The following CFAP251 variants were observed in gnomAD, a reference collection of about 807,000 sequenced individuals.
CFAP251 encodes the protein cilia and flagella associated protein 251.
CFAP251 carries 93 observed loss-of-function variants against 126.7 expected under a neutral mutation model. That is an observed-to-expected ratio of 0.73 (90% confidence interval 0.62 to 0.87). The LOEUF (loss-of-function observed/expected upper bound fraction) is 0.87, where lower values mean the gene tolerates loss of function less well. CFAP251 is among the 40% of genes least tolerant of loss of function. The pLI is 0.00. For synonymous variants in CFAP251, 503 were observed against 506.9 expected (o/e 0.99, Z 0.10); for missense variants, 1,287 against 1,389.2 (o/e 0.93, Z 1.17).
intron 2 of CFAP251, among the ~76,000 whole-genome samples, chr12:121,922,045 T>C (rs746686307): frequency 2.0e-5 from 3 of 151,898 alleles, no homozygotes; most frequent in Non-Finnish European, 4.4e-5. Context: ...TCTGCCCACC[T>C]TGGCCTCCCA....
intron 14 of CFAP251, among the ~76,000 whole-genome samples, chr12:121,961,146 G>A (rs1377651911): frequency 6.6e-6 from 1 of 152,180 alleles, no homozygotes; most frequent in Non-Finnish European, 1.5e-5. Context: ...GAGGTTGTGA[G>A]ATAAGAGGAA....
chr12:121,971,427 A>T, intron 17 of CFAP251: 1 of 656,094 alleles, frequency 1.5e-6, no homozygotes, highest in Admixed American at 2.1e-5. Flanking sequence ...GACTCTTCCT[A>T]AGAAAGGTGT....
intron 11 of CFAP251, among the ~76,000 whole-genome samples, 166 bp from the exon 12 acceptor site, chr12:121,958,106 A>G (rs1881791959): frequency 6.6e-6 from 1 of 152,214 alleles, no homozygotes; most frequent in Non-Finnish European, 1.5e-5. Context: ...TTCACTTGCA[A>G]ATGGAGGCTG....
chr12:121,934,162 C>A, intron 4 of CFAP251, 85 bp from the exon 5 acceptor site: 2 of 1,018,746 alleles, frequency 2.0e-6, no homozygotes, highest in Non-Finnish European at 2.9e-6. Context: ...TCAGATCTTT[C>A]TGTGGGTCCC....
chr12:121,929,319 C>CAAAAAAA (rs907807088), intron 3 of CFAP251, among the ~76,000 whole-genome samples: 1 of 68,940 alleles, frequency 1.5e-5, no homozygotes, highest in Non-Finnish European at 2.9e-5. Context: ...GACTCCATCT[C>CAAAAAAA]AAAAAAAAAA....
intron 4 of CFAP251, among the ~76,000 whole-genome samples, chr12:121,933,961 A>T (rs1378613525): frequency 6.6e-6 from 1 of 152,148 alleles, no homozygotes; most frequent in African/African-American, 2.4e-5. Flanking sequence ...GAGGACCCAG[A>T]TGCTTATCCT....
intron 19 of CFAP251, chr12:121,999,317 T>A (rs1883096046): frequency 1.3e-5 from 2 of 154,540 alleles, no homozygotes; most frequent in African/African-American, 4.8e-5. Flanking sequence ...CCATCTAAAA[T>A]AATTGGAAAG....
Position 121,974,275 on chromosome 12 carries a change from C to T in CFAP251, c.2772-969C>T, listed in dbSNP as rs1882403154. On this transcript the variant is annotated intron_variant, in intron 17 of 21. Coordinates refer to ENST00000288912, the MANE Select transcript of CFAP251 (RefSeq NM_144668.6). The surrounding 1 kb of genome is among the most constrained non-coding windows in gnomAD (Gnocchi z 4.6). The stretch of plus-strand genomic sequence containing the variant: ...TGAGTCCTCCCCAGCCATGTGAAAC[C>T]GTAAGTCCAATAAACCTCTTTCTTT... Among the ~76,000 whole-genome samples, 1 of 152,140 alleles carries T rather than the reference C, an allele frequency of 6.6e-6. No homozygotes were observed. Among genetic ancestry groups the T allele is most frequent in the Non-Finnish European group, 1.5e-5 (1 of 68,016 alleles).
At chr12:121,928,704 A>T (rs946515861) in intron 3 of CFAP251, among the ~76,000 whole-genome samples, 9,978 of 60,178 alleles carry the variant, frequency 0.17, 1,525 homozygotes, top group African/African-American at 0.36. Context: ...ATATATATAT[A>T]TTTTTTTTTT....
intron 1 of CFAP251, among the ~76,000 whole-genome samples, chr12:121,920,089 C>T (rs946414211): frequency 6.7e-6 from 1 of 150,132 alleles, no homozygotes; most frequent in African/African-American, 2.5e-5. Context: ...GAGGCTGAGG[C>T]AGGAGAATAG....
At chr12:121,940,850 G>A (rs1325651825) in intron 5 of CFAP251, among the ~76,000 whole-genome samples, 2 of 152,118 alleles carry the variant, frequency 1.3e-5, no homozygotes, top group African/African-American at 2.4e-5. Flanking sequence ...ATTGCTTACA[G>A]TTTGGAGTCT....
rs758464180 is a variant in CFAP251 at position 121,968,159 on chromosome 12, A to G, written c.2761A>G (p.Ile921Val). ...GHDRSVVQWKITLSVLEAAVS... is the reference protein window; with the variant it reads ...GHDRSVVQWKVTLSVLEAAVS... Reference sequence around the variant, plus strand: ...CGATCGCTCGGTGGTGCAGTGGAAAATCACCTTAAGGTACACGATGGGGCG... The same window carrying G: ...CGATCGCTCGGTGGTGCAGTGGAAAGTCACCTTAAGGTACACGATGGGGCG... The change falls in exon 17 of 22, where the codon ATC becomes GTC. Residue 921 changes from isoleucine to valine, a missense_variant. Coordinates refer to ENST00000288912, the MANE Select transcript of CFAP251 (RefSeq NM_144668.6). The G allele has an allele frequency of 5.0e-6, 8 of 1,606,058 alleles. No homozygotes were observed. The highest frequency in any genetic ancestry group is 6.8e-6 in the Non-Finnish European group (8 of 1,174,120).
chr12:121,993,744 T>G (rs1882940810), intron 19 of CFAP251, among the ~76,000 whole-genome samples: 1 of 147,808 alleles, frequency 6.8e-6, no homozygotes, highest in Non-Finnish European at 1.5e-5. Flanking sequence ...CCACCCCGTC[T>G]GAGAAGTGAG....
chr12:121,936,174 G>A (rs1217855056), intron 5 of CFAP251, among the ~76,000 whole-genome samples: 1 of 152,216 alleles, frequency 6.6e-6, no homozygotes. Context: ...TTTGACCTGG[G>A]CTGGGTGCAG....
chr12:122,000,819 C>G (rs1349678246), intron 20 of CFAP251, among the ~76,000 whole-genome samples: 1 of 151,960 alleles, frequency 6.6e-6, no homozygotes, highest in Admixed American at 6.6e-5. Flanking sequence ...CATGTATGTT[C>G]CTTGCCTGGA....
At chr12:121,951,318 G>T in intron 8 of CFAP251, 162 bp from the exon 9 acceptor site, 1 of 458,900 alleles carries the variant, frequency 2.2e-6, no homozygotes. Context: ...TTTTCTTTCA[G>T]AATGTTTTTA....
At chr12:121,956,477 A>C (rs1881731463) in intron 10 of CFAP251, among the ~76,000 whole-genome samples, 1 of 152,122 alleles carries the variant, frequency 6.6e-6, no homozygotes, top group Non-Finnish European at 1.5e-5. Context: ...ATGTACTTAC[A>C]CTAAATTTTT....
chr12:121,942,568 G>T lies in CFAP251; in HGVS notation c.1033G>T (p.Glu345Ter). The T allele has an allele frequency of 6.2e-7, 1 of 1,613,926 alleles. No homozygotes were observed. Among genetic ancestry groups the T allele is most frequent in the Admixed American group, 1.7e-5 (1 of 60,016 alleles). The change falls in exon 6 of 22, where the codon GAA (glutamate) becomes TAA (stop). Residue 345 changes from glutamate (E) to a stop codon, truncating the protein, a stop_gained. Coordinates refer to ENST00000288912, the MANE Select transcript of CFAP251 (RefSeq NM_144668.6). LOFTEE classifies it high-confidence loss of function. ...GCACACAATATTTGACAGCTGCCCT[G>T]AAGGGAATGGCATCATGGCCATGGC... is the stretch of plus-strand genomic sequence containing the variant. ...PVHTIFDSCP[E>*]GNGIMAMAMT...
chr12:121,977,758 A>G (rs1298284333), intron 19 of CFAP251, among the ~76,000 whole-genome samples: 1 of 151,286 alleles, frequency 6.6e-6, no homozygotes, highest in Non-Finnish European at 1.5e-5. Flanking sequence ...GATCGAGACC[A>G]TCCTGGCTAA....
Sources: allele counts gnomAD v4.1 joint callset (sites outside exome capture counted in the v4.1 genomes callset), GRCh38; gene constraint gnomAD v4.1.1; non-coding constraint Gnocchi (gnomAD v3.1); transcripts MANE v1.5; gene names NCBI Gene and HGNC (gene_info 2026-07-23, HGNC 2026-07-21).